TTC28: variants seen among roughly 807,000 people sequenced by gnomAD.
TTC28 encodes tetratricopeptide repeat domain 28.
TTC28 carries 61 observed loss-of-function variants against 198.0 expected under a neutral mutation model. The ratio of observed to expected loss-of-function variants is 0.31; its 90% CI spans 0.25 to 0.38. The LOEUF (loss-of-function observed/expected upper bound fraction) is 0.38, where lower values mean the gene tolerates loss of function less well. Among genes scored for constraint, TTC28 ranks in the 10% least tolerant of loss-of-function variants. The pLI, the probability that TTC28 is intolerant of heterozygous loss-of-function variation, is 1.00. For synonymous variants in TTC28, 1,171 were observed against 1,297.8 expected, an observed-to-expected ratio of 0.90 and a Z score of 2.10; for missense variants, 2,678 against 3,164.0, an observed-to-expected ratio of 0.85 and a Z score of 3.69.
At position 28,201,784 on chromosome 22, in the gene TTC28, T is replaced by C. The variant is rs555924254; in HGVS notation, c.934-38185A>G. ...AAAAAAAAAAAGAGGGGAGCCAGTG[T>C]GAACACAAAGAGAGATCAGTTAAGA... On this transcript the variant is annotated intron_variant, in intron 5 of 22. Coordinates refer to ENST00000397906, the MANE Select transcript of TTC28 (RefSeq NM_001145418.2). Among the ~76,000 whole-genome samples the C allele has an allele frequency of 1.5e-3, 224 of 145,136 alleles. 1 individual carries two copies. Among genetic ancestry groups the C allele is most frequent in the Non-Finnish European group, 2.7e-3 (181 of 67,224 alleles).
chr22:28,259,788 G>C (rs1931194847), intron 5 of TTC28, among the ~76,000 whole-genome samples: 1 of 152,042 alleles, frequency 6.6e-6, no homozygotes. Context: ...GCCTTTAAAA[G>C]TGTTGTGCTG....
chr22:28,418,431 T>C (rs901524236), intron 2 of TTC28, among the ~76,000 whole-genome samples: 5 of 152,190 alleles, frequency 3.3e-5, no homozygotes, highest in Non-Finnish European at 7.3e-5. Flanking sequence ...CAAAAATACA[T>C]GCTACAAAAA....
chr22:28,598,585 T>C (rs2050582730), intron 2 of TTC28, among the ~76,000 whole-genome samples: 1 of 144,788 alleles, frequency 6.9e-6, no homozygotes, highest in South Asian at 2.2e-4. Context: ...CACCTGAAGA[T>C]AAATTTTTAA....
intron 5 of TTC28, among the ~76,000 whole-genome samples, chr22:28,178,631 C>A (rs963603461): frequency 3.9e-5 from 6 of 152,058 alleles, no homozygotes; most frequent in Admixed American, 6.6e-5. Flanking sequence ...GCATTTATAC[C>A]TGGGAGCAGG....
chr22:28,163,652 G>T, intron 5 of TTC28, 53 bp from the exon 6 acceptor site: 1 of 1,462,476 alleles, frequency 6.8e-7, no homozygotes. Context: ...AATGGTTTTG[G>T]TATATTTTGG....
chr22:27,990,945 G>T, intron 19 of TTC28, 133 bp from the exon 20 acceptor site: 1 of 841,704 alleles, frequency 1.2e-6, no homozygotes, highest in South Asian at 1.8e-5. Context: ...GCTCTGACTG[G>T]GAGGGGAGAG....
At chr22:28,304,764 C>G (rs1051306053) in intron 3 of TTC28, among the ~76,000 whole-genome samples, 9 of 152,082 alleles carry the variant, frequency 5.9e-5, no homozygotes, top group African/African-American at 2.2e-4. Context: ...GCAGAAGCAC[C>G]TCAGAATAAA....
chr22:28,609,648 C>G (rs1410102244), intron 2 of TTC28, among the ~76,000 whole-genome samples: 1 of 151,978 alleles, frequency 6.6e-6, no homozygotes, highest in Non-Finnish European at 1.5e-5. Context: ...ACTGGGTGGC[C>G]ATTTGGACAG....
chr22:28,592,073 T>C (rs1458808038), intron 2 of TTC28, among the ~76,000 whole-genome samples: 1 of 151,826 alleles, frequency 6.6e-6, no homozygotes, highest in East Asian at 1.9e-4. Flanking sequence ...CAAGAGCAAG[T>C]TGGGCATGGA....
At chr22:28,661,441 A>T (rs1177763201) in intron 1 of TTC28, among the ~76,000 whole-genome samples, 1 of 152,108 alleles carries the variant, frequency 6.6e-6, no homozygotes, top group African/African-American at 2.4e-5. Context: ...ATTTTTAGAG[A>T]CTGGGTTTCA....
At chr22:27,995,286 G>A (rs754739147) in intron 17 of TTC28, among the ~76,000 whole-genome samples, 36 of 152,282 alleles carry the variant, frequency 2.4e-4, no homozygotes, top group Middle Eastern at 3.4e-3. Flanking sequence ...CCTGGGGTCC[G>A]TGGCAGATTT....
chr22:28,348,134 TAGA>T (rs1689503246), intron 2 of TTC28, among the ~76,000 whole-genome samples: 1 of 152,174 alleles, frequency 6.6e-6, no homozygotes, highest in African/African-American at 2.4e-5. Flanking sequence ...AGGGCTGTTA[TAGA>T]AGAAGATTCC....
rs1937687516 is a variant in TTC28 at position 28,001,455 on chromosome 22, T to C, written c.4317A>G (p.Gly1439=). ...LYLIPFALLK[G]SSSNEYLYER... Reference sequence around the variant, plus strand: ...CGTAGAGGTACTCATTGGAGGAGCTTCCCTTCAGGAGGGCGAAAGGAATGA... The same window carrying C: ...CGTAGAGGTACTCATTGGAGGAGCTCCCCTTCAGGAGGGCGAAAGGAATGA... The change falls in exon 15 of 23, where the codon GGA becomes GGG. Residue 1439 remains glycine, a synonymous_variant. Transcript: ENST00000397906. 7 of 1,551,588 alleles carry C rather than the reference T, an allele frequency of 4.5e-6. No homozygotes were observed. The highest frequency in any genetic ancestry group is 6.1e-6 in the Non-Finnish European group (7 of 1,146,980).
intron 1 of TTC28, among the ~76,000 whole-genome samples, chr22:28,655,287 T>A (rs1213492214): frequency 1.3e-5 from 2 of 152,198 alleles, no homozygotes; most frequent in Non-Finnish European, 2.9e-5. Context: ...TATCTTAGAA[T>A]CCTAAATCTT....
chr22:28,452,893 A>T (rs916909315), intron 2 of TTC28, among the ~76,000 whole-genome samples: 1 of 152,232 alleles, frequency 6.6e-6, no homozygotes, highest in Non-Finnish European at 1.5e-5. Flanking sequence ...TTACCAGAAC[A>T]TTGAATGTAA....
rs1284995641 is a variant in TTC28, at chr22:28,543,892, C to T, written c.381+85660G>A. Among the ~76,000 whole-genome samples, 10 of 152,076 alleles carry T rather than the reference C, an allele frequency of 6.6e-5. No individual in the cohort carries two copies. In the East Asian group the frequency reaches 1.9e-3, roughly 29 times the overall value. ...AACAATATCTAAAAAAATAATAATA[C>T]ACCATGACCAACTGGGATTGATTCT... On this transcript the variant is annotated intron_variant, in intron 2 of 22. Transcript: ENST00000397906.
chr22:28,031,085 C>A (rs1444412171), intron 12 of TTC28, among the ~76,000 whole-genome samples: 6 of 152,156 alleles, frequency 3.9e-5, no homozygotes. Flanking sequence ...AACAGAAATA[C>A]CCAGGAGTAC....
intron 12 of TTC28, among the ~76,000 whole-genome samples, chr22:28,086,162 C>T (rs1941588097): frequency 6.6e-6 from 1 of 152,066 alleles, no homozygotes; most frequent in African/African-American, 2.4e-5. Flanking sequence ...ACTAAGCGGA[C>T]CTAATAGACA....
intron 2 of TTC28, among the ~76,000 whole-genome samples, chr22:28,625,334 T>C (rs2051062426): frequency 6.6e-6 from 1 of 152,224 alleles, no homozygotes; most frequent in East Asian, 1.9e-4. Flanking sequence ...GCAAAAATCC[T>C]ACTAGAAATT....
Sources: allele counts gnomAD v4.1 joint callset (sites outside exome capture counted in the v4.1 genomes callset), GRCh38; gene constraint gnomAD v4.1.1; transcripts MANE v1.5; gene names NCBI Gene and HGNC (gene_info 2026-07-23, HGNC 2026-07-21).